The following GPHN variants were observed in gnomAD, a reference collection of about 807,000 sequenced individuals.
GPHN encodes the protein gephyrin.
A neutral mutation model predicts 95.5 loss-of-function variants in GPHN; 17 were observed. The observed-to-expected ratio is 0.18, with a 90% CI of 0.12 to 0.27. The LOEUF (loss-of-function observed/expected upper bound fraction) is 0.27, where lower values mean the gene tolerates loss of function less well. GPHN is among the 10% of genes least tolerant of loss of function. The pLI, the probability that GPHN is intolerant of heterozygous loss-of-function variation, is 1.00. For synonymous variants in GPHN, 320 were observed against 322.5 expected, an observed-to-expected ratio of 0.99 and a Z score of 0.08; for missense variants, 660 against 978.1, an observed-to-expected ratio of 0.67 and a Z score of 4.34.
the GPHN span, among the ~76,000 whole-genome samples, chr14:67,529,231 C>T: frequency 6.6e-6 from 1 of 152,202 alleles, no homozygotes. Context: ...CATCCGCTGC[C>T]TGGCTCTCTC....
At chr14:67,421,433 T>C in the GPHN span, among the ~76,000 whole-genome samples, 1 of 152,032 alleles carries the variant, frequency 6.6e-6, no homozygotes, top group Non-Finnish European at 1.5e-5. Context: ...CAGCAGGAGT[T>C]TGAAGAATAA....
chr14:67,182,095 G>A (rs1386921825), downstream of GPHN, among the ~76,000 whole-genome samples: 1 of 151,554 alleles, frequency 6.6e-6, no homozygotes, highest in Non-Finnish European at 1.5e-5. Flanking sequence ...TAATGACTTA[G>A]AAAAAAAATA....
At chr14:67,684,976 G>A in the GPHN span, 1 of 1,537,284 alleles carries the variant, frequency 6.5e-7, no homozygotes, top group Non-Finnish European at 8.8e-7. Context: ...TCTCCTTTGA[G>A]CAATAAATCT....
At chr14:66,667,297 A>G (rs2066022726) in intron 1 of GPHN, among the ~76,000 whole-genome samples, 1 of 152,194 alleles carries the variant, frequency 6.6e-6, no homozygotes, top group Non-Finnish European at 1.5e-5. Flanking sequence ...GAACTAGAGA[A>G]AACTATTTTA....
At chr14:67,680,639 T>A in the GPHN span, among the ~76,000 whole-genome samples, 9 of 152,252 alleles carry the variant, frequency 5.9e-5, no homozygotes, top group South Asian at 1.9e-3. Flanking sequence ...TTGCATTTTT[T>A]ATAGAGATGG....
the GPHN span, among the ~76,000 whole-genome samples, chr14:67,443,384 T>C: frequency 3.0e-4 from 45 of 152,206 alleles, no homozygotes; most frequent in Middle Eastern, 0.01. Context: ...CCACAAAGTA[T>C]GTTTGCCCCA....
intron 2 of GPHN, among the ~76,000 whole-genome samples, chr14:66,685,004 T>G (rs10147349): frequency 0.31 from 47,844 of 152,002 alleles, 11,522 homozygotes; most frequent in African/African-American, 0.65. Flanking sequence ...GCGGTGTTTG[T>G]TTTTTTGTAC....
chr14:67,359,878 C>T, the GPHN span: 2 of 676,734 alleles, frequency 3.0e-6, no homozygotes, highest in South Asian at 3.6e-5. Flanking sequence ...TTGTCACAGG[C>T]GACGAAGGGG....
At chr14:67,189,318 C>A in the GPHN span, 1 of 152,242 alleles carries the variant, frequency 6.6e-6, no homozygotes, top group African/African-American at 2.4e-5. Context: ...TGCACGGCTG[C>A]TCCTCCCCAG....
At chr14:67,733,530 C>A in the GPHN span, among the ~76,000 whole-genome samples, 1 of 152,114 alleles carries the variant, frequency 6.6e-6, no homozygotes, top group African/African-American at 2.4e-5. Flanking sequence ...GGTACTAGAT[C>A]TTGTTATAGA....
At chr14:66,557,353 A>T (rs2060050111) in intron 1 of GPHN, among the ~76,000 whole-genome samples, 2 of 152,166 alleles carry the variant, frequency 1.3e-5, no homozygotes, top group African/African-American at 4.8e-5. Context: ...ATAATAATAA[A>T]ATGATGGTTT....
the GPHN span, among the ~76,000 whole-genome samples, chr14:67,635,073 T>C: frequency 6.6e-6 from 1 of 151,420 alleles, no homozygotes; most frequent in African/African-American, 2.5e-5. Flanking sequence ...GGCGAAATCT[T>C]GTCTCTACAA....
chr14:67,332,786 G>A, the GPHN span: 1 of 1,608,852 alleles, frequency 6.2e-7, no homozygotes, highest in Non-Finnish European at 8.5e-7. Context: ...GCAGCCTGAA[G>A]AGTTGAGAGA....
the GPHN span, among the ~76,000 whole-genome samples, chr14:67,497,416 C>T: frequency 1.3e-4 from 20 of 152,050 alleles, no homozygotes; most frequent in African/African-American, 3.1e-4. Flanking sequence ...CTTCCAGTGC[C>T]GGGATGAGGA....
At chr14:67,572,396 A>T in the GPHN span, 49 of 254,340 alleles carry the variant, frequency 1.9e-4, no homozygotes, top group Middle Eastern at 1.2e-3. Flanking sequence ...GAGCTGGGGG[A>T]TGGGGGCAGG....
At chr14:66,763,535 C>G (rs2058840527) in intron 2 of GPHN, among the ~76,000 whole-genome samples, 1 of 151,362 alleles carries the variant, frequency 6.6e-6, no homozygotes, top group South Asian at 2.1e-4. Flanking sequence ...ATGATGGTTT[C>G]CAATTTCATC....
At chr14:66,751,007 C>A (rs1214180901) in intron 2 of GPHN, among the ~76,000 whole-genome samples, 1 of 150,462 alleles carries the variant, frequency 6.6e-6, no homozygotes, top group Non-Finnish European at 1.5e-5. Flanking sequence ...TTATAGCATT[C>A]TTTTTTTTTA....
intron 1 of GPHN, among the ~76,000 whole-genome samples, chr14:66,627,374 G>A (rs182758144): frequency 2.7e-5 from 4 of 150,850 alleles, no homozygotes; most frequent in East Asian, 1.9e-4. Context: ...GCTTCCCCCC[G>A]CCCCCAACAT....
At chr14:67,446,218 T>C in the GPHN span, 1 of 361,706 alleles carries the variant, frequency 2.8e-6, no homozygotes, top group Non-Finnish European at 5.4e-6. Context: ...TTTTCTCATC[T>C]GTAAAATAAA....
Sources: allele counts gnomAD v4.1 joint callset (sites outside exome capture counted in the v4.1 genomes callset), GRCh38; gene constraint gnomAD v4.1.1; transcripts MANE v1.5; gene names NCBI Gene and HGNC (gene_info 2026-07-23, HGNC 2026-07-21).